DNAJA1: variants seen among roughly 807,000 people sequenced by gnomAD.
The protein encoded by DNAJA1 is dnaJ homolog subfamily A member 1.
A neutral mutation model predicts 47.6 loss-of-function variants in DNAJA1; 26 were observed. The observed-to-expected ratio is 0.55, with a 90% CI of 0.40 to 0.76. DNAJA1 has a LOEUF of 0.76. Ranked by LOEUF, DNAJA1 falls within the 30% of genes least tolerant of loss-of-function variation. The probability of loss-of-function intolerance (pLI) is 0.00; values close to 1 mark genes in which losing one functional copy is unlikely to be tolerated. For missense variants in DNAJA1, 315 were observed against 485.0 expected, an observed-to-expected ratio of 0.65 and a Z score of 3.29; for synonymous variants, 165 against 158.4, an observed-to-expected ratio of 1.04 and a Z score of -0.31.
intron 6 of DNAJA1, 131 bp from the exon 7 acceptor site, chr9:33,036,443 T>A: frequency 1.8e-6 from 1 of 571,366 alleles, no homozygotes; most frequent in South Asian, 2.2e-5. Context: ...TGCTTGATTT[T>A]TACAATGGGG....
Position 33,034,193 on chromosome 9 carries a change from C to T in DNAJA1, c.644-23C>T, listed in dbSNP as rs377746851. On this transcript the variant is annotated intron_variant, in intron 5 of 8. Transcript: ENST00000330899. ...CTTAGTTGGATATTTAATAAAAGTACAAAATTAATGTTTTGTTTTTAGGCA... is the reference window on the plus strand; with the variant it reads ...CTTAGTTGGATATTTAATAAAAGTATAAAATTAATGTTTTGTTTTTAGGCA... 55 of 1,507,372 alleles carry T rather than the reference C, an allele frequency of 3.6e-5. 1 individual carries two copies. The African/African-American group carries it at 5.4e-4, about 15-fold the overall frequency. 93.4% of individuals were successfully genotyped at this position (1,507,372 alleles called of 1,614,324 possible).
chr9:33,036,660 A>C lies in DNAJA1; in HGVS notation c.845A>C (p.Asn282Thr), dbSNP rs756870299. Residue 282 changes from asparagine to threonine, a missense_variant, in exon 7 of 9, where the codon AAC becomes ACC. By Grantham distance (65) the Asn-to-Thr change is moderately conservative. Coordinates refer to ENST00000330899, the MANE Select transcript of DNAJA1 (RefSeq NM_001539.4). ...GFQKPISTLD[N>T]RTIVITSHPG... Reference sequence around the variant, plus strand: ...CAGAAGCCAATATCTACTCTTGACAACCGAACCATCGTCATCACCTCTCAT... The same window carrying C: ...CAGAAGCCAATATCTACTCTTGACACCCGAACCATCGTCATCACCTCTCAT... The C allele has an allele frequency of 1.9e-5, 30 of 1,613,816 alleles. No individual in the cohort carries two copies. Among genetic ancestry groups the C allele is most frequent in the Non-Finnish European group, 8.5e-7 (1 of 1,179,916 alleles).
At position 33,034,305 on chromosome 9, in the gene DNAJA1, C is replaced by T. The variant is rs770367020; in HGVS notation, c.733C>T (p.Gln245Ter). 1 of 1,609,324 alleles carries T rather than the reference C, an allele frequency of 6.2e-7. No homozygotes were observed. The highest frequency in any genetic ancestry group is 1.1e-5 in the South Asian group (1 of 89,588). The change falls in exon 6 of 9, where the codon CAG becomes TAG. Residue 245 changes from glutamine (Q) to a stop codon, truncating the protein, a stop_gained. Transcript: ENST00000330899. LOFTEE classifies it high-confidence loss of function. ...EPGDIIIVLD[Q>*]KDHAVFTRRG... Reference sequence around the variant, plus strand: ...AGGCGATATTATCATTGTGTTAGATCAGAAGGACCATGCTGTTTTTACTCG... The same window carrying T: ...AGGCGATATTATCATTGTGTTAGATTAGAAGGACCATGCTGTTTTTACTCG...
At position 33,026,469 on chromosome 9, in the gene DNAJA1, T is replaced by C. The variant is rs1189569711; in HGVS notation, c.-10-6T>C. ...AGCCGGTTAAAGTTGCATTTTCTTA[T>C]TTCAGGCAGTAGAAGATGGTGAAAG... On this transcript the variant is annotated splice_polypyrimidine_tract_variant and splice_region_variant and intron_variant, in intron 1 of 8. Coordinates refer to ENST00000330899, the MANE Select transcript of DNAJA1 (RefSeq NM_001539.4). 2 of 1,600,094 alleles carry C rather than the reference T, an allele frequency of 1.2e-6. 1 individual carries two copies. The highest frequency in any genetic ancestry group is 2.3e-5 in the South Asian group (2 of 87,610).
chr9:33,031,740 TTAAA>T (rs1360692351), intron 5 of DNAJA1, among the ~76,000 whole-genome samples: 2 of 152,198 alleles, frequency 1.3e-5, no homozygotes, highest in African/African-American at 4.8e-5. Flanking sequence ...CTGGGCTAGT[TTAAA>T]TAAGCGTATT....
intron 1 of DNAJA1, 131 bp from the exon 2 acceptor site, chr9:33,026,343 CT>C (rs1336487321): frequency 4.8e-5 from 42 of 878,636 alleles, no homozygotes; most frequent in Middle Eastern, 3.6e-4. Flanking sequence ...GAATTGTTAC[CT>C]TTTTGGTGAA....
At chr9:33,036,930 C>A (rs16918958) in intron 7 of DNAJA1, 85 bp from the exon 8 acceptor site, 71,740 of 1,243,746 alleles carry the variant, frequency 0.058, 2,371 homozygotes, top group East Asian at 0.07. Context: ...TGCCAATGAG[C>A]TAGGACAGTG....
At chr9:33,030,064 C>A in intron 4 of DNAJA1, 75 bp downstream of exon 4, 1 of 1,350,182 alleles carries the variant, frequency 7.4e-7, no homozygotes, top group Non-Finnish European at 1.0e-6. Flanking sequence ...GGAGCTAAGA[C>A]TTCTAGATAG....
At position 33,037,134 on chromosome 9, in the gene DNAJA1, T is replaced by C. The variant is rs757625933; in HGVS notation, c.975+19T>C. On this transcript the variant is annotated intron_variant, in intron 8 of 8. Transcript: ENST00000330899. Reference sequence around the variant, plus strand: ...ATTTAAGGTAAGCTGTAATGTACTTTAAGAATACTTGAGAACAATTGGCTT... The same window carrying C: ...ATTTAAGGTAAGCTGTAATGTACTTCAAGAATACTTGAGAACAATTGGCTT... 8 of 1,600,716 alleles carry C rather than the reference T, an allele frequency of 5.0e-6. No individual in the cohort carries two copies. In the Admixed American group the frequency reaches 8.6e-5, roughly 17 times the overall value.
In DNAJA1 at chr9:33,028,292, T is replaced by C. The variant is rs527280545; in HGVS notation, c.310+1302T>C. On this transcript the variant is annotated intron_variant, in intron 3 of 8. Transcript: ENST00000330899. ...TTTCAGCTTTATTGTGTCAAAATTA[T>C]GTATTTAATATGTTTATCAGGAAAG... Among the ~76,000 whole-genome samples the C allele has an allele frequency of 4.7e-4, 72 of 152,340 alleles. 1 individual carries two copies. The highest frequency in any genetic ancestry group is 1.4e-3 in the African/African-American group (57 of 41,582).
At chr9:33,035,915 T>TAC (rs746308808) in intron 6 of DNAJA1, among the ~76,000 whole-genome samples, 1 of 152,222 alleles carries the variant, frequency 6.6e-6, no homozygotes, top group Non-Finnish European at 1.5e-5. Context: ...AGGAAATTGT[T>TAC]AGAGTCCCTT....
chr9:33,031,598 A>AT (rs1396104213), intron 5 of DNAJA1, among the ~76,000 whole-genome samples: 10 of 150,492 alleles, frequency 6.6e-5, no homozygotes, highest in East Asian at 3.9e-4. Flanking sequence ...CACCTGGCTA[A>AT]TTTTTTTTGT....
chr9:33,027,196 C>T (rs896594833), intron 3 of DNAJA1, among the ~76,000 whole-genome samples: 4 of 145,550 alleles, frequency 2.7e-5, no homozygotes, highest in African/African-American at 5.1e-5. Flanking sequence ...CCTCTTATTG[C>T]CCAGGCTGGA....
rs1564015869 is a variant in DNAJA1, at chr9:33,039,005, T to A, written c.*102T>A. 8.8e-7 allele frequency: 1 copy of A among 1,137,956 alleles called. No individual in the cohort carries two copies. The highest frequency in any genetic ancestry group is 1.3e-6 in the Non-Finnish European group (1 of 797,496). The allele number at this position is 1,137,956 out of a possible 1,614,324, so 70.5% of individuals were successfully genotyped here. A position where few individuals can be genotyped will look rare whatever the true frequency, so the allele number is the denominator to read the frequency against. On this transcript the variant is annotated 3_prime_UTR_variant, in exon 9 of 9. Coordinates refer to ENST00000330899, the MANE Select transcript of DNAJA1 (RefSeq NM_001539.4). ...CTCACTACTTGCTCTTGTTTTTGTT[T>A]TAATAAACTATAGTAGTGTTTTAAA...
Position 33,037,149 on chromosome 9 carries a change from AC to A in DNAJA1, c.975+35del, listed in dbSNP as rs776749594. 13 of 1,584,016 alleles carry A rather than the reference AC, an allele frequency of 8.2e-6. No homozygotes were observed. The East Asian group carries it at 2.9e-4, about 35-fold the overall frequency. ...TAATGTACTTTAAGAATACTTGAGA[AC>A]AATTGGCTTACTAAAATCTGATAAA... On this transcript the variant is annotated intron_variant, in intron 8 of 8. Coordinates refer to ENST00000330899, the MANE Select transcript of DNAJA1 (RefSeq NM_001539.4).
chr9:33,026,447 C>A, intron 1 of DNAJA1, 28 bp from the exon 2 acceptor site: 1 of 1,586,952 alleles, frequency 6.3e-7, no homozygotes. Context: ...AGTTGAAAGC[C>A]GGTTAAAGTT....
intron 8 of DNAJA1, 74 bp from the exon 9 acceptor site, chr9:33,038,611 G>A: frequency 7.2e-7 from 1 of 1,383,404 alleles, no homozygotes; most frequent in Non-Finnish European, 9.9e-7. Context: ...TGTTTTTCTG[G>A]GGAAAATGGG....
chr9:33,033,288 AAATGAGACAAGGTCTG>A (rs1838988448), intron 5 of DNAJA1, among the ~76,000 whole-genome samples: 1 of 152,114 alleles, frequency 6.6e-6, no homozygotes, highest in Admixed American at 6.6e-5. Flanking sequence ...TGTTTAATTT[AAATGAGACAAGGTCTG>A]GAACTCCTGT....
chr9:33,032,611 G>A (rs1212539641), intron 5 of DNAJA1, among the ~76,000 whole-genome samples: 1 of 152,194 alleles, frequency 6.6e-6, no homozygotes, highest in African/African-American at 2.4e-5. Flanking sequence ...TATAGCAAGT[G>A]AAGGCATTTG....
Sources: gnomAD v4.1 joint callset for allele counts (sites outside exome capture counted in the v4.1 genomes callset) on GRCh38, gnomAD v4.1.1 for gene constraint, MANE v1.5 for transcripts, NCBI Gene and HGNC (gene_info 2026-07-23, HGNC 2026-07-21) for gene names.